CDK14: variants seen among roughly 807,000 people sequenced by gnomAD.
CDK14 encodes the protein cyclin dependent kinase 14.
In CDK14, 34 loss-of-function variants were observed where a neutral mutation model predicts 60.7. The ratio of observed to expected loss-of-function variants is 0.56; its 90% CI spans 0.43 to 0.75. CDK14 has a LOEUF of 0.75. CDK14 is among the 30% of genes least tolerant of loss of function. CDK14 has a pLI of 0.00. For synonymous variants in CDK14, 197 were observed against 203.7 expected, an observed-to-expected ratio of 0.97 and a Z score of 0.28; for missense variants, 482 against 564.1, an observed-to-expected ratio of 0.85 and a Z score of 1.47.
Position 90,882,130 on chromosome 7 carries a change from A to T in CDK14, c.640-17161A>T, listed in dbSNP as rs536633221. On this transcript the variant is annotated intron_variant, in intron 6 of 14. Coordinates refer to ENST00000380050, the MANE Select transcript of CDK14 (RefSeq NM_001287135.2). The stretch of plus-strand genomic sequence containing the variant: ...GTGGGCTAAATGCCTCAATTAAAAG[A>T]CACAGACTGGCAAATTGGATAAGGA... Among the ~76,000 whole-genome samples, 8 of 152,276 alleles carry T rather than the reference A, an allele frequency of 5.3e-5. No individual in the cohort carries two copies. In the South Asian group the frequency reaches 1.7e-3, roughly 32 times the overall value.
intron 4 of CDK14, among the ~76,000 whole-genome samples, chr7:90,774,428 C>T (rs1186371928): frequency 1.3e-5 from 2 of 152,102 alleles, no homozygotes; most frequent in Non-Finnish European, 1.5e-5. Context: ...TTAGAACAGA[C>T]CTTTAGATTC....
chr7:91,102,180 G>A (rs1367812111), intron 12 of CDK14, among the ~76,000 whole-genome samples: 1 of 152,128 alleles, frequency 6.6e-6, no homozygotes, highest in Non-Finnish European at 1.5e-5. Context: ...AGGCTCTGTG[G>A]CTTTGCTCTG....
intron 2 of CDK14, among the ~76,000 whole-genome samples, chr7:90,662,312 TAAG>T (rs1211977131): frequency 6.6e-6 from 1 of 152,164 alleles, no homozygotes; most frequent in East Asian, 1.9e-4. Context: ...CCATGGGTGA[TAAG>T]AAGTGAACCA....
chr7:91,035,166 G>A (rs1796885388), intron 10 of CDK14, among the ~76,000 whole-genome samples: 1 of 152,082 alleles, frequency 6.6e-6, no homozygotes, highest in Non-Finnish European at 1.5e-5. Flanking sequence ...TACCCTCTAA[G>A]CTGTAATTGC....
intron 11 of CDK14, among the ~76,000 whole-genome samples, chr7:91,066,116 G>A (rs932350669): frequency 1.3e-5 from 2 of 152,052 alleles, no homozygotes; most frequent in African/African-American, 2.4e-5. Context: ...GTGTTACAAC[G>A]AAAAATAATC....
chr7:90,801,568 G>A (rs1424799520), intron 5 of CDK14, among the ~76,000 whole-genome samples: 4 of 152,138 alleles, frequency 2.6e-5, no homozygotes, highest in Admixed American at 1.3e-4. Flanking sequence ...GCTGTGAAAT[G>A]ATAAAGGTCT....
chr7:90,786,304 C>G (rs1179047702), intron 4 of CDK14, among the ~76,000 whole-genome samples: 4 of 152,190 alleles, frequency 2.6e-5, no homozygotes, highest in Non-Finnish European at 5.9e-5. Flanking sequence ...CACTGGCAAT[C>G]AAGCCCTGAT....
At chr7:90,824,033 T>G (rs1167239594) in intron 5 of CDK14, among the ~76,000 whole-genome samples, 1 of 152,214 alleles carries the variant, frequency 6.6e-6, no homozygotes, top group Non-Finnish European at 1.5e-5. Context: ...GTACAGAATC[T>G]TTCATAAATA....
At chr7:90,649,264 C>G (rs17867152) in intron 2 of CDK14, among the ~76,000 whole-genome samples, 8,642 of 46,030 alleles carry the variant, frequency 0.19, 599 homozygotes, top group East Asian at 0.29. Flanking sequence ...TTCTTTCTTT[C>G]TTTCTTTCTT....
At chr7:90,790,070 G>GAA (rs60938697) in intron 4 of CDK14, among the ~76,000 whole-genome samples, 1,831 of 134,490 alleles carry the variant, frequency 0.014, 54 homozygotes, top group African/African-American at 0.048. Context: ...TAGTAAAAAA[G>GAA]AAAAAAAAAC....
At chr7:90,770,122 T>C (rs2116889256) in intron 4 of CDK14, among the ~76,000 whole-genome samples, 1 of 152,378 alleles carries the variant, frequency 6.6e-6, no homozygotes, top group South Asian at 2.1e-4. Flanking sequence ...GCAAAGCAGA[T>C]TGCTCTATAG....
chr7:91,136,869 TCAAAATA>T (rs1335649432), intron 14 of CDK14, among the ~76,000 whole-genome samples: 1 of 152,220 alleles, frequency 6.6e-6, no homozygotes, highest in Admixed American at 6.5e-5. Context: ...CATCTGGATT[TCAAAATA>T]AAGGCAAAAC....
chr7:90,800,531 T>C (rs1713164863), intron 5 of CDK14, among the ~76,000 whole-genome samples: 1 of 152,188 alleles, frequency 6.6e-6, no homozygotes, highest in Non-Finnish European at 1.5e-5. Context: ...CTACCTTACA[T>C]TTTTCTTTTT....
chr7:91,159,023 G>A (rs1000619274), intron 14 of CDK14, among the ~76,000 whole-genome samples: 2 of 152,272 alleles, frequency 1.3e-5, no homozygotes, highest in South Asian at 2.1e-4. Flanking sequence ...TTTCAATGTT[G>A]TGCTTCATGG....
chr7:90,654,981 T>C (rs977721058), intron 2 of CDK14, among the ~76,000 whole-genome samples: 2 of 152,212 alleles, frequency 1.3e-5, no homozygotes, highest in Non-Finnish European at 2.9e-5. Context: ...TCACCTGTTA[T>C]TCATTTCTCC....
At chr7:90,803,453 T>G (rs946346977) in intron 5 of CDK14, among the ~76,000 whole-genome samples, 1 of 152,116 alleles carries the variant, frequency 6.6e-6, no homozygotes, top group Non-Finnish European at 1.5e-5. Context: ...AGAGGGACAC[T>G]TGGTAGGGCT....
In CDK14 at chr7:91,039,719, T is replaced by C. The variant is rs148865498; in HGVS notation, c.1042-6178T>C. Among the ~76,000 whole-genome samples, 207 of 152,316 alleles carry C rather than the reference T, an allele frequency of 1.4e-3. 2 individuals are homozygous for C. The highest frequency in any genetic ancestry group is 1.3e-3 in the Non-Finnish European group (87 of 68,028). ...GGCCACTCTTATAATTTCCTCTTACTTGCATCTTTCCCCTTCCCCTTAATA... is the reference window on the plus strand; with the variant it reads ...GGCCACTCTTATAATTTCCTCTTACCTGCATCTTTCCCCTTCCCCTTAATA... On this transcript the variant is annotated intron_variant, in intron 10 of 14. Transcript: ENST00000380050.
intron 8 of CDK14, among the ~76,000 whole-genome samples, chr7:90,951,445 A>G (rs1182326054): frequency 6.6e-6 from 1 of 152,160 alleles, no homozygotes; most frequent in Non-Finnish European, 1.5e-5. Flanking sequence ...ATTCAGCTAG[A>G]TTTGCTGTTA....
chr7:91,124,965 C>T (rs892916944), intron 14 of CDK14, among the ~76,000 whole-genome samples: 3 of 152,016 alleles, frequency 2.0e-5, no homozygotes, highest in Non-Finnish European at 4.4e-5. Flanking sequence ...ATTATTAATA[C>T]CAGTATAGCA....
Sources: gnomAD v4.1 joint callset for allele counts (sites outside exome capture counted in the v4.1 genomes callset) on GRCh38, gnomAD v4.1.1 for gene constraint, MANE v1.5 for transcripts, NCBI Gene and HGNC (gene_info 2026-07-23, HGNC 2026-07-21) for gene names.